KCNMA1: variants seen among roughly 807,000 people sequenced by gnomAD.
The protein encoded by KCNMA1 is potassium calcium-activated channel subfamily M alpha 1.
A neutral mutation model predicts 140.0 loss-of-function variants in KCNMA1; 29 were observed. The observed-to-expected ratio is 0.21, with a 90% CI of 0.15 to 0.28. The LOEUF (loss-of-function observed/expected upper bound fraction) is 0.28. Among genes scored for constraint, KCNMA1 ranks in the 10% least tolerant of loss-of-function variants. The pLI is 1.00. For synonymous variants in KCNMA1, 612 were observed against 611.9 expected (o/e 1.00, Z 0.00); for missense variants, 880 against 1,602.2 (o/e 0.55, Z 7.70).
At position 77,637,361 on chromosome 10, in the gene KCNMA1, G is replaced by A; in HGVS notation, c.282C>T (p.Ser94=). The change falls in exon 1 of 28, where the codon TCC becomes TCT. Residue 94 remains serine, a synonymous_variant. Coordinates refer to ENST00000286628, the MANE Select transcript of KCNMA1 (RefSeq NM_001161352.2). ...AGAGGCCCCCGAAGAAAGTCACCAT[G>A]GAGGAGGCCAGGAAAGCCCACCACA... is the stretch of plus-strand genomic sequence containing the variant. ...QRMWWAFLAS[S]MVTFFGGLFI... is the part of the protein sequence containing the mutation. 1.2e-6 allele frequency: 2 copies of A among 1,613,984 alleles called. No homozygotes were observed. The highest frequency in any genetic ancestry group is 1.7e-6 in the Non-Finnish European group (2 of 1,179,964).
chr10:77,055,008 T>C (rs1336580817), intron 14 of KCNMA1, among the ~76,000 whole-genome samples: 1 of 152,104 alleles, frequency 6.6e-6, no homozygotes, highest in East Asian at 1.9e-4. Flanking sequence ...TTATTGAATA[T>C]GCTAAAAAGC....
chr10:76,933,001 G>C (rs999259239), intron 23 of KCNMA1, among the ~76,000 whole-genome samples: 1 of 152,144 alleles, frequency 6.6e-6, no homozygotes, highest in African/African-American at 2.4e-5. Context: ...AAAGGTTGAG[G>C]GCCAGGAGCT....
intron 14 of KCNMA1, among the ~76,000 whole-genome samples, chr10:77,067,127 G>C (rs561906127): frequency 6.6e-6 from 1 of 152,288 alleles, no homozygotes; most frequent in Non-Finnish European, 1.5e-5. Flanking sequence ...GGGTGTTTCT[G>C]CATGAGATTA....
At chr10:77,532,642 G>A (rs982262167) in intron 1 of KCNMA1, among the ~76,000 whole-genome samples, 5 of 152,144 alleles carry the variant, frequency 3.3e-5, no homozygotes, top group Admixed American at 6.5e-5. Context: ...TTAAAGCAAA[G>A]TTAGGATTTT....
In KCNMA1 at chr10:77,573,608, A is replaced by AAATAGAATGG. The variant is rs1450988581; in HGVS notation, c.378+63656_378+63657insCCATTCTATT. ...GGTTATAAGCAATTATTTTTTAAGA[A>AAATAGAATGG]AATGGAATGGAATGGAATGGAATGG... On this transcript the variant is annotated intron_variant, in intron 1 of 27. Coordinates refer to ENST00000286628, the MANE Select transcript of KCNMA1 (RefSeq NM_001161352.2). Among the ~76,000 whole-genome samples the AAATAGAATGG allele has an allele frequency of 2.0e-3, 116 of 58,068 alleles. 8 individuals carry two copies. Among genetic ancestry groups the AAATAGAATGG allele is most frequent in the Middle Eastern group, 8.1e-3 (1 of 124 alleles). The allele number at this position is 58,068 out of a possible 152,430, so 38.1% of individuals were successfully genotyped here.
downstream of KCNMA1, chr10:76,877,215 TATTCAC>T: frequency 6.5e-6 from 1 of 153,412 alleles, no homozygotes; most frequent in Non-Finnish European, 1.5e-5. Flanking sequence ...GAGGAGCAGG[TATTCAC>T]CTGTCCCCTT....
At chr10:77,245,676 T>C (rs1182816708) in intron 3 of KCNMA1, among the ~76,000 whole-genome samples, 1 of 152,108 alleles carries the variant, frequency 6.6e-6, no homozygotes, top group East Asian at 1.9e-4. Context: ...CTAAAAGAGA[T>C]AAAAGAATGT....
chr10:77,338,432 C>T (rs572638749), intron 2 of KCNMA1, among the ~76,000 whole-genome samples: 125 of 152,304 alleles, frequency 8.2e-4, no homozygotes, highest in Non-Finnish European at 1.2e-3. Context: ...GGCTCTGCCT[C>T]CATCTCTCTC....
At chr10:77,085,689 A>C (rs1019169056) in intron 11 of KCNMA1, among the ~76,000 whole-genome samples, 1 of 152,196 alleles carries the variant, frequency 6.6e-6, no homozygotes, top group African/African-American at 2.4e-5. Context: ...ATAAAGAAAG[A>C]ATTTATCCAA....
chr10:77,302,257 T>A (rs929844915), intron 2 of KCNMA1, among the ~76,000 whole-genome samples: 20 of 152,132 alleles, frequency 1.3e-4, no homozygotes, highest in Non-Finnish European at 2.9e-5. Context: ...AGGGGCTGCT[T>A]CTCTGAGCTC....
intron 1 of KCNMA1, among the ~76,000 whole-genome samples, chr10:77,496,869 T>G (rs2042149606): frequency 6.6e-6 from 1 of 152,104 alleles, no homozygotes; most frequent in African/African-American, 2.4e-5. Context: ...CACAAGTACT[T>G]CAAACTCTGC....
chr10:77,244,109 G>A (rs188501815), intron 3 of KCNMA1, among the ~76,000 whole-genome samples: 61 of 152,254 alleles, frequency 4.0e-4, no homozygotes, highest in Non-Finnish European at 6.6e-4. Flanking sequence ...GTTCATTTCT[G>A]TATTTAGTAG....
At chr10:77,580,077 T>C (rs1349497001) in intron 1 of KCNMA1, among the ~76,000 whole-genome samples, 1 of 152,120 alleles carries the variant, frequency 6.6e-6, no homozygotes, top group Admixed American at 6.6e-5. Context: ...AATAAGATTA[T>C]AGTATATATA....
Position 77,630,336 on chromosome 10 carries a change from C to G in KCNMA1, c.378+6929G>C, listed in dbSNP as rs552511353. 1.1e-4 allele frequency among the ~76,000 whole-genome samples: 17 copies of G among 152,264 alleles called. No homozygotes were observed. In the East Asian group the frequency reaches 2.3e-3, roughly 21 times the overall value. ...GGACTTCGGGAAGTCACACCCTTTG[C>G]AGAATGACCAACTGGCACGAGGAAG... On this transcript the variant is annotated intron_variant, in intron 1 of 27. Coordinates refer to ENST00000286628, the MANE Select transcript of KCNMA1 (RefSeq NM_001161352.2).
intron 1 of KCNMA1, among the ~76,000 whole-genome samples, chr10:77,612,698 A>G (rs148967679): frequency 4.6e-5 from 7 of 152,220 alleles, no homozygotes; most frequent in African/African-American, 1.2e-4. Flanking sequence ...AAGTCAAAAG[A>G]CTGGTCAATT....
At chr10:76,941,667 G>A in intron 23 of KCNMA1, among the ~76,000 whole-genome samples, 1 of 152,208 alleles carries the variant, frequency 6.6e-6, no homozygotes, top group Admixed American at 6.5e-5. Flanking sequence ...GTGAGAGACA[G>A]ATGCTCCTCT....
intron 1 of KCNMA1, among the ~76,000 whole-genome samples, chr10:77,427,322 T>C (rs1207835348): frequency 2.6e-5 from 4 of 152,244 alleles, no homozygotes; most frequent in Admixed American, 6.5e-5. Flanking sequence ...TAGAGTATGA[T>C]AGAACTGAGC....
At chr10:77,011,732 G>A (rs2153453382) in intron 18 of KCNMA1, among the ~76,000 whole-genome samples, 1 of 152,292 alleles carries the variant, frequency 6.6e-6, no homozygotes, top group South Asian at 2.1e-4. Flanking sequence ...TAAAGAAGCA[G>A]GGACTAGGCA....
intron 1 of KCNMA1, among the ~76,000 whole-genome samples, chr10:77,482,902 C>T (rs926097932): frequency 2.0e-5 from 3 of 150,620 alleles, no homozygotes; most frequent in Non-Finnish European, 3.0e-5. Context: ...CTCTCTCTTG[C>T]TCTCCTTCCC....
Sources: allele counts gnomAD v4.1 joint callset (sites outside exome capture counted in the v4.1 genomes callset), GRCh38; gene constraint gnomAD v4.1.1; transcripts MANE v1.5; gene names NCBI Gene and HGNC (gene_info 2026-07-23, HGNC 2026-07-21).